Variants in C10orf143 observed in about 807,000 individuals in gnomAD.
The protein encoded by C10orf143 is chromosome 10 open reading frame 143, also known as uncharacterized protein C10orf143.
intron 1 of C10orf143, among the ~76,000 whole-genome samples, chr10:130,103,427 T>C (rs554936899): frequency 3.3e-5 from 5 of 150,702 alleles, no homozygotes; most frequent in African/African-American, 7.3e-5. Context: ...GAGGCAGAGG[T>C]TGCAGTGAAA....
At chr10:130,039,254 G>A (rs950588388) in intron 3 of C10orf143, among the ~76,000 whole-genome samples, 8 of 152,140 alleles carry the variant, frequency 5.3e-5, no homozygotes, top group Non-Finnish European at 1.0e-4. Context: ...TTATGGGGTC[G>A]GCTCATGTGA....
intron 1 of C10orf143, among the ~76,000 whole-genome samples, chr10:130,098,871 A>C (rs1861503052): frequency 6.6e-6 from 1 of 152,158 alleles, no homozygotes; most frequent in African/African-American, 2.4e-5. Flanking sequence ...TGGATCACTG[A>C]GATCAGGAGT....
rs193071494 is a variant in C10orf143 at position 130,052,144 on chromosome 10, C to T, written c.298-16174G>A. Among the ~76,000 whole-genome samples, 42 of 149,184 alleles carry T rather than the reference C, an allele frequency of 2.8e-4. No individual in the cohort carries two copies. The East Asian group carries it at 8.3e-3, about 29-fold the overall frequency. ...AAGAGTCTCATCTCCCTCTCCCGCC[C>T]CCACCTCAGGAGGCCACCACCATAC... On this transcript the variant is annotated intron_variant and NMD_transcript_variant, in intron 3 of 5. Transcript: ENST00000643056.
At chr10:130,040,893 C>A (rs1203964267) in intron 3 of C10orf143, among the ~76,000 whole-genome samples, 1 of 151,794 alleles carries the variant, frequency 6.6e-6, no homozygotes, top group Non-Finnish European at 1.5e-5. Context: ...GTGAGGGGCA[C>A]CAAGGGACAT....
intron 1 of C10orf143, among the ~76,000 whole-genome samples, chr10:130,099,682 CGT>C (rs774048652): frequency 2.6e-5 from 4 of 151,296 alleles, no homozygotes; most frequent in Non-Finnish European, 5.9e-5. Context: ...GGACTACAGC[CGT>C]GTGACACCAT....
intron 1 of C10orf143, among the ~76,000 whole-genome samples, 182 bp downstream of exon 1, chr10:130,110,522 C>A (rs945973411): frequency 6.6e-6 from 1 of 152,236 alleles, no homozygotes; most frequent in African/African-American, 2.4e-5. Context: ...CGTCACAACC[C>A]CGCCCTAACA....
intron 3 of C10orf143, among the ~76,000 whole-genome samples, chr10:130,047,965 C>T (rs1860695998): frequency 6.6e-6 from 1 of 152,162 alleles, no homozygotes; most frequent in South Asian, 2.1e-4. Flanking sequence ...ATCGAGTGCT[C>T]CAGTCTGGCA....
chr10:130,063,561 G>T (rs1362156964), downstream of C10orf143, among the ~76,000 whole-genome samples: 2 of 152,126 alleles, frequency 1.3e-5, no homozygotes, highest in Non-Finnish European at 2.9e-5. Context: ...GTCTTCCTCT[G>T]CTCCATCTTT....
chr10:130,053,758 G>A (rs1860765916), intron 3 of C10orf143, among the ~76,000 whole-genome samples: 1 of 152,208 alleles, frequency 6.6e-6, no homozygotes, highest in Admixed American at 6.5e-5. Flanking sequence ...GTCTTAAGTG[G>A]AACCATCTGG....
At position 130,079,810 on chromosome 10, in the gene C10orf143, T is replaced by C. The variant is rs1238663824; in HGVS notation, c.161A>G (p.Asp54Gly). The change falls in exon 2 of 4, where the codon GAC (aspartate) becomes GGC (glycine). Residue 54 changes from aspartate (D) to glycine (G), a missense_variant. By Grantham distance (94) the Asp-to-Gly change is moderately conservative (BLOSUM62 -1). Transcript: ENST00000637128. ...ACALASWGPE[D>G]RELPSRGCLP... ...GCAGCCTCTTGATGGAAGCTCCCGG[T>C]CCTCTGGGCCCCAGGACGCCAGGGC... 7.5e-6 allele frequency: 3 copies of C among 398,562 alleles called. No individual in the cohort carries two copies. The highest frequency in any genetic ancestry group is 1.3e-5 in the Non-Finnish European group (3 of 226,106). The allele number at this position is 398,562 out of a possible 1,614,324, so 24.7% of individuals were successfully genotyped here.
chr10:130,064,408 C>A (rs541219698), intron 3 of C10orf143, 25 bp from the exon 4 acceptor site: 9 of 398,326 alleles, frequency 2.3e-5, no homozygotes, highest in Non-Finnish European at 4.0e-5. Flanking sequence ...CAGCACATTG[C>A]GGGAATTAAT....
intron 3 of C10orf143, among the ~76,000 whole-genome samples, chr10:130,053,307 G>A (rs1319060343): frequency 3.3e-5 from 5 of 152,158 alleles, no homozygotes; most frequent in African/African-American, 7.2e-5. Context: ...ACATGACCTC[G>A]TGATCCGCCT....
intron 3 of C10orf143, chr10:130,066,746 G>A (rs1430046800): frequency 6.6e-6 from 1 of 152,190 alleles, no homozygotes; most frequent in Non-Finnish European, 1.5e-5. Flanking sequence ...CCAAAGAGAA[G>A]CCTCGTACTG....
chr10:130,060,624 C>A (rs1411257678), downstream of C10orf143, among the ~76,000 whole-genome samples: 2 of 147,818 alleles, frequency 1.4e-5, no homozygotes, highest in South Asian at 2.2e-4. Flanking sequence ...GAGATCGAGA[C>A]CATCCTGGCT....
At chr10:130,090,986 C>G (rs978207389) in intron 1 of C10orf143, among the ~76,000 whole-genome samples, 1 of 152,158 alleles carries the variant, frequency 6.6e-6, no homozygotes, top group Admixed American at 6.6e-5. Context: ...CAACTGTGGG[C>G]ACAGCTTCAG....
At chr10:130,049,457 C>T (rs1004130032) in intron 3 of C10orf143, among the ~76,000 whole-genome samples, 1 of 152,204 alleles carries the variant, frequency 6.6e-6, no homozygotes, top group Non-Finnish European at 1.5e-5. Context: ...GCATGGTGTG[C>T]GGCAGACCGG....
At chr10:130,103,205 T>G (rs2134812523) in intron 1 of C10orf143, among the ~76,000 whole-genome samples, 1 of 152,322 alleles carries the variant, frequency 6.6e-6, no homozygotes, top group Non-Finnish European at 1.5e-5. Context: ...CTTGAACTCC[T>G]GACCTCAAGT....
At chr10:130,109,224 C>G (rs532254743) in intron 1 of C10orf143, among the ~76,000 whole-genome samples, 1 of 152,336 alleles carries the variant, frequency 6.6e-6, no homozygotes, top group Admixed American at 6.5e-5. Flanking sequence ...CTTTCATTTT[C>G]CAGGGCAGTG....
At chr10:130,107,565 A>G (rs1861674981) in intron 1 of C10orf143, 1 of 1,346,774 alleles carries the variant, frequency 7.4e-7, no homozygotes, top group Admixed American at 1.7e-5. Context: ...GATGTTCCAA[A>G]TACAGCATTT....
Sources: allele counts gnomAD v4.1 joint callset (sites outside exome capture counted in the v4.1 genomes callset), GRCh38; gene constraint gnomAD v4.1.1; transcripts MANE v1.5; gene names NCBI Gene and HGNC (gene_info 2026-07-23, HGNC 2026-07-21).